RALGPS1: variants seen among roughly 807,000 people sequenced by gnomAD.
RALGPS1 encodes Ral GEF with PH domain and SH3 binding motif 1, also known as ras-specific guanine nucleotide-releasing factor RalGPS1.
Under a neutral mutation model 78.8 loss-of-function variants are expected in RALGPS1, and 19 were observed. The observed-to-expected ratio is 0.24, with a 90% CI of 0.17 to 0.35. RALGPS1 has a LOEUF of 0.35. Ranked by LOEUF, RALGPS1 falls within the 10% of genes least tolerant of loss-of-function variation. The probability of loss-of-function intolerance (pLI) is 1.00; values close to 1 mark genes in which losing one functional copy is unlikely to be tolerated. For missense variants in RALGPS1, 454 were observed against 688.3 expected (o/e 0.66, Z 3.81); for synonymous variants, 228 against 256.3 (o/e 0.89, Z 1.06).
At chr9:127,069,075 C>T (rs1269900481) in intron 7 of RALGPS1, among the ~76,000 whole-genome samples, 155 bp from the exon 8 acceptor site, 1 of 152,200 alleles carries the variant, frequency 6.6e-6, no homozygotes, top group Non-Finnish European at 1.5e-5. Context: ...TCTTCATATG[C>T]ACGAAACAGC....
intron 4 of RALGPS1, among the ~76,000 whole-genome samples, chr9:127,016,461 A>G (rs2044836284): frequency 6.6e-6 from 1 of 152,218 alleles, no homozygotes; most frequent in Non-Finnish European, 1.5e-5. Flanking sequence ...TTTAAGTCAC[A>G]GAGGGGGTTT....
rs114402499 is a variant in RALGPS1 at position 127,173,473 on chromosome 9, T to C, written c.843-1242T>C. ...TTCTTTGAAGTTCATGGCTTTAAATTATGCCCCTTCCCTTGTTTAGTTGCA... is the reference window on the plus strand; with the variant it reads ...TTCTTTGAAGTTCATGGCTTTAAATCATGCCCCTTCCCTTGTTTAGTTGCA... On this transcript the variant is annotated intron_variant, in intron 10 of 18. Coordinates refer to ENST00000259351, the MANE Select transcript of RALGPS1 (RefSeq NM_014636.3). Among the ~76,000 whole-genome samples, 551 of 152,350 alleles carry C rather than the reference T, an allele frequency of 3.6e-3. 5 individuals carry two copies. Among genetic ancestry groups the C allele is most frequent in the African/African-American group, 0.013 (524 of 41,582 alleles).
chr9:127,139,042 A>G (rs776951574), intron 8 of RALGPS1, among the ~76,000 whole-genome samples: 15 of 152,042 alleles, frequency 9.9e-5, no homozygotes, highest in Non-Finnish European at 1.9e-4. Context: ...CTGCCCTGTA[A>G]TTTGGCCCCT....
At chr9:127,144,892 G>A (rs1403712625) in intron 8 of RALGPS1, among the ~76,000 whole-genome samples, 6 of 152,136 alleles carry the variant, frequency 3.9e-5, no homozygotes, top group South Asian at 4.1e-4. Context: ...CCATTTTGAG[G>A]TGAAGAAAAT....
chr9:127,047,822 T>TA (rs1266201121), intron 5 of RALGPS1, among the ~76,000 whole-genome samples: 1 of 152,202 alleles, frequency 6.6e-6, no homozygotes, highest in African/African-American at 2.4e-5. Context: ...CTTTTGTACT[T>TA]ATCTCTTATT....
At chr9:127,150,758 G>T (rs1227247176) in intron 8 of RALGPS1, among the ~76,000 whole-genome samples, 2 of 152,194 alleles carry the variant, frequency 1.3e-5, no homozygotes, top group African/African-American at 4.8e-5. Flanking sequence ...TCACCAGATG[G>T]GATGCAACCG....
intron 11 of RALGPS1, among the ~76,000 whole-genome samples, chr9:127,192,844 G>A (rs1184042519): frequency 2.0e-5 from 3 of 152,302 alleles, no homozygotes; most frequent in Non-Finnish European, 2.9e-5. Context: ...GGGAGAAGCA[G>A]GAGAGTGTGG....
intron 4 of RALGPS1, among the ~76,000 whole-genome samples, chr9:127,025,950 T>C (rs1355123409): frequency 1.3e-5 from 2 of 152,210 alleles, no homozygotes; most frequent in Admixed American, 1.3e-4. Flanking sequence ...GCAGTCCTCC[T>C]GCCTCTGCCT....
At chr9:127,133,252 G>A (rs1036656667) in intron 8 of RALGPS1, among the ~76,000 whole-genome samples, 12 of 152,220 alleles carry the variant, frequency 7.9e-5, no homozygotes, top group Non-Finnish European at 1.3e-4. Flanking sequence ...CCGGTGCCCC[G>A]GACCCTCAGC....
At chr9:127,093,300 G>A (rs1236129323) in intron 8 of RALGPS1, among the ~76,000 whole-genome samples, 1 of 152,186 alleles carries the variant, frequency 6.6e-6, no homozygotes, top group Non-Finnish European at 1.5e-5. Flanking sequence ...TCCCTACCAG[G>A]ACTTTTTGGG....
In RALGPS1 at chr9:126,965,822, C is replaced by T. The variant is rs2039434365; in HGVS notation, c.58-22C>T. On this transcript the variant is annotated intron_variant, in intron 2 of 18. Transcript: ENST00000259351. ...CCACGTCATATCATTCAGTTGGCAC[C>T]ATCTTTCCCTGCTCTCCACAGGGCA... The T allele has an allele frequency of 6.3e-6, 10 of 1,591,822 alleles. No individual in the cohort carries two copies. The East Asian group carries it at 1.8e-4, about 28-fold the overall frequency.
At position 127,187,655 on chromosome 9, in the gene RALGPS1, C is replaced by T. The variant is rs544013318; in HGVS notation, c.911-7436C>T. Reference sequence around the variant, plus strand: ...ACCTTTAGAAAACACTTTTCTGAGTCAGGGTGGGAGCCAGAGTGACTCAGG... The same window carrying T: ...ACCTTTAGAAAACACTTTTCTGAGTTAGGGTGGGAGCCAGAGTGACTCAGG... On this transcript the variant is annotated intron_variant, in intron 11 of 18. Transcript: ENST00000259351. Among the ~76,000 whole-genome samples, 9 of 152,312 alleles carry T rather than the reference C, an allele frequency of 5.9e-5. No individual in the cohort carries two copies. The East Asian group carries it at 1.7e-3, about 29-fold the overall frequency.
chr9:126,965,756 C>G, intron 2 of RALGPS1, 88 bp from the exon 3 acceptor site: 5 of 971,328 alleles, frequency 5.1e-6, no homozygotes, highest in Non-Finnish European at 8.1e-6. Context: ...TTCCATTGCT[C>G]TCCCATCCTG....
chr9:126,931,182 C>A (rs1037021566), intron 1 of RALGPS1, among the ~76,000 whole-genome samples: 4 of 152,166 alleles, frequency 2.6e-5, no homozygotes, highest in Non-Finnish European at 5.9e-5. Flanking sequence ...AAATTCGGCA[C>A]GATACCGCTT....
chr9:126,966,011 C>T, intron 3 of RALGPS1, 60 bp downstream of exon 3: 1 of 1,261,580 alleles, frequency 7.9e-7, no homozygotes, highest in South Asian at 1.2e-5. Flanking sequence ...TAGAGGGAGC[C>T]ACCACTTAGG....
intron 8 of RALGPS1, among the ~76,000 whole-genome samples, chr9:127,121,134 G>A (rs969239247): frequency 1.3e-5 from 2 of 152,180 alleles, no homozygotes; most frequent in African/African-American, 4.8e-5. Context: ...GAATAATAAT[G>A]CCTGTGCTAT....
chr9:127,136,000 A>G (rs1345800773), intron 8 of RALGPS1, among the ~76,000 whole-genome samples: 1 of 152,194 alleles, frequency 6.6e-6, no homozygotes. Context: ...TGGAAAGGGG[A>G]GGCAACATAG....
intron 1 of RALGPS1, among the ~76,000 whole-genome samples, chr9:126,928,503 C>T (rs1431051589): frequency 6.6e-6 from 1 of 152,132 alleles, no homozygotes; most frequent in Non-Finnish European, 1.5e-5. Flanking sequence ...CTATTCAGCT[C>T]CTATAGAACA....
rs16929700 is a variant in RALGPS1, at chr9:127,214,818, T to C, written c.1620T>C (p.Asp540=). The C allele has an allele frequency of 1.7e-3, 2,803 of 1,613,108 alleles. 53 individuals carry two copies. In the African/African-American group the frequency reaches 0.031, roughly 18 times the overall value. ...HAILWHKHLD[D]ACKSNRPQVP... is the part of the protein sequence containing the mutation. ...TACTGTGGCACAAGCATTTGGATGA[T>C]GCATGTAAAAGCAACAGGCCTCAGG... Residue 540 remains aspartate (D), a synonymous_variant, in exon 18 of 19, where the codon GAT becomes GAC. Coordinates refer to ENST00000259351, the MANE Select transcript of RALGPS1 (RefSeq NM_014636.3).
Sources: gnomAD v4.1 joint callset for allele counts (sites outside exome capture counted in the v4.1 genomes callset) on GRCh38, gnomAD v4.1.1 for gene constraint, MANE v1.5 for transcripts, NCBI Gene and HGNC (gene_info 2026-07-23, HGNC 2026-07-21) for gene names.